The following PCDHGB6 variants were observed in gnomAD, a reference collection of about 807,000 sequenced individuals.
The protein encoded by PCDHGB6 is protocadherin gamma subfamily B, 6.
Under a neutral mutation model 59.1 loss-of-function variants are expected in PCDHGB6, and 51 were observed. That is an observed-to-expected ratio of 0.86 (90% CI 0.69 to 1.09). The LOEUF is 1.09. Ranked by LOEUF, PCDHGB6 falls within the 50% of genes least tolerant of loss-of-function variation. The pLI is 0.00. For missense variants in PCDHGB6, 1,148 were observed against 1,205.1 expected, an observed-to-expected ratio of 0.95 and a Z score of 0.70; for synonymous variants, 466 against 495.1, an observed-to-expected ratio of 0.94 and a Z score of 0.78.
rs2099641960 is a variant in PCDHGB6 at position 141,487,259 on chromosome 5, T to C, written c.2419-7548T>C. On this transcript the variant is annotated intron_variant, in intron 1 of 3. Coordinates refer to ENST00000520790, the MANE Select transcript of PCDHGB6 (RefSeq NM_018926.3). This position sits in a 1 kb window ranked among gnomAD's most constrained non-coding sequence, Gnocchi z 5.0. ...TCGTCTAACCCTCTACTTGGCTGTG[T>C]CCCTAGTGGCAATTTGCTTTGTCTC... 6.2e-7 allele frequency: 1 copy of C among 1,614,132 alleles called. No homozygotes were observed. Among genetic ancestry groups the C allele is most frequent in the Non-Finnish European group, 8.5e-7 (1 of 1,180,012 alleles).
At position 141,505,504 on chromosome 5, in the gene PCDHGB6, T is replaced by C. The variant is rs756583857; in HGVS notation, c.2566+23T>C. The C allele has an allele frequency of 9.3e-6, 15 of 1,614,020 alleles. No individual in the cohort carries two copies. The African/African-American group carries it at 1.2e-4, about 13-fold the overall frequency. ...GTGGTAAGTGGTGTCAGTGTGTGTA[T>C]GGAAGAGTGGGAGACCTGGGGTTCT... On this transcript the variant is annotated intron_variant, in intron 3 of 3. Transcript: ENST00000520790.
chr5:141,465,865 G>A (rs374058078), intron 1 of PCDHGB6, among the ~76,000 whole-genome samples: 7 of 151,900 alleles, frequency 4.6e-5, no homozygotes, highest in African/African-American at 1.7e-4. Flanking sequence ...GCTCATGCCT[G>A]TAATCCCAGC....
intron 1 of PCDHGB6, among the ~76,000 whole-genome samples, chr5:141,463,438 CTTTTT>C (rs71576115): frequency 7.7e-5 from 8 of 103,256 alleles, no homozygotes; most frequent in African/African-American, 2.7e-4. Flanking sequence ...TTTCCTTCTC[CTTTTT>C]TTTTTTTTTT....
chr5:141,487,006 G>A lies in PCDHGB6; in HGVS notation c.2419-7801G>A. ...ATGCTTGGGTTTCCTATCAGCTCCT[G>A]GAGGCCCCAGATCCCAGCCTGTTTG... On this transcript the variant is annotated intron_variant, in intron 1 of 3. Transcript: ENST00000520790. This position sits in a 1 kb window ranked among gnomAD's most constrained non-coding sequence, Gnocchi z 5.0. 1 of 1,614,206 alleles carries A rather than the reference G, an allele frequency of 6.2e-7. No homozygotes were observed. The highest frequency in any genetic ancestry group is 8.5e-7 in the Non-Finnish European group (1 of 1,180,042).
chr5:141,462,078 C>T (rs2154567608), intron 1 of PCDHGB6, among the ~76,000 whole-genome samples: 1 of 152,304 alleles, frequency 6.6e-6, no homozygotes, highest in East Asian at 1.9e-4. Flanking sequence ...CCGCCTTGGC[C>T]TCCCAAAATG....
At position 141,503,992 on chromosome 5, in the gene PCDHGB6, A is replaced by G. The variant is rs1419698681; in HGVS notation, c.2478-1401A>G. 2.6e-5 allele frequency among the ~76,000 whole-genome samples: 4 copies of G among 152,116 alleles called. No homozygotes were observed. In the East Asian group the frequency reaches 7.7e-4, roughly 29 times the overall value. ...GGTGCCAAACCCTTCTTCTTACCTTACAGTCACTTAACTGTCTCTGCTGGT... is the reference window on the plus strand; with the variant it reads ...GGTGCCAAACCCTTCTTCTTACCTTGCAGTCACTTAACTGTCTCTGCTGGT... On this transcript the variant is annotated intron_variant, in intron 2 of 3. Transcript: ENST00000520790.
At chr5:141,444,876 G>A (rs921183358) in intron 1 of PCDHGB6, among the ~76,000 whole-genome samples, 1 of 152,186 alleles carries the variant, frequency 6.6e-6, no homozygotes, top group African/African-American at 2.4e-5. Flanking sequence ...GACAAAGCTT[G>A]TAGGATTTTT....
chr5:141,491,956 A>G lies in PCDHGB6; in HGVS notation c.2419-2851A>G, dbSNP rs2099735623. 1.9e-6 allele frequency: 2 copies of G among 1,035,704 alleles called. No homozygotes were observed. Among genetic ancestry groups the G allele is most frequent in the Non-Finnish European group, 2.7e-6 (2 of 749,368 alleles). The allele number at this position is 1,035,704 out of a possible 1,614,324, so 64.2% of individuals were successfully genotyped here. A position where few individuals can be genotyped will look rare whatever the true frequency, so the allele number is the denominator to read the frequency against. On this transcript the variant is annotated intron_variant, in intron 1 of 3. Transcript: ENST00000520790. This position sits in a 1 kb window ranked among gnomAD's most constrained non-coding sequence, Gnocchi z 6.9. Reference sequence around the variant, plus strand: ...GGACCGACCCCCACCCCTACACTCAAAAAAGGCCGGGGCCTCCTTCGAGCT... The same window carrying G: ...GGACCGACCCCCACCCCTACACTCAGAAAAGGCCGGGGCCTCCTTCGAGCT...
At chr5:141,456,918 G>C (rs535602842) in intron 1 of PCDHGB6, among the ~76,000 whole-genome samples, 49 of 152,124 alleles carry the variant, frequency 3.2e-4, no homozygotes, top group African/African-American at 1.2e-3. Context: ...AGCCGAGATC[G>C]CACCACTGCA....
At position 141,503,509 on chromosome 5, in the gene PCDHGB6, G is replaced by A. The variant is rs373282648; in HGVS notation, c.2478-1884G>A. ...AGCTGCTCAAGAGGCTGAGGCAGGA[G>A]AATCACTTGAACCTGGGAGGCAGAG... On this transcript the variant is annotated intron_variant, in intron 2 of 3. Transcript: ENST00000520790. Among the ~76,000 whole-genome samples the A allele has an allele frequency of 9.4e-5, 14 of 149,410 alleles. No individual in the cohort carries two copies. The South Asian group carries it at 1.5e-3, about 16-fold the overall frequency.
At position 141,477,039 on chromosome 5, in the gene PCDHGB6, G is replaced by C. The variant is rs1313580652; in HGVS notation, c.2419-17768G>C. Reference sequence around the variant, plus strand: ...GTAACCGGGATGCTGACAATCAAGGGTCGGCTGGACTTCGAGGACACCAAA... The same window carrying C: ...GTAACCGGGATGCTGACAATCAAGGCTCGGCTGGACTTCGAGGACACCAAA... On this transcript the variant is annotated intron_variant, in intron 1 of 3. Coordinates refer to ENST00000520790, the MANE Select transcript of PCDHGB6 (RefSeq NM_018926.3). This position sits in a 1 kb window ranked among gnomAD's most constrained non-coding sequence, Gnocchi z 4.9. 1 of 1,614,144 alleles carries C rather than the reference G, an allele frequency of 6.2e-7. No individual in the cohort carries two copies. The highest frequency in any genetic ancestry group is 8.5e-7 in the Non-Finnish European group (1 of 1,180,056).
At chr5:141,460,951 G>GTATATATATA (rs200454978) in intron 1 of PCDHGB6, among the ~76,000 whole-genome samples, 1 of 139,722 alleles carries the variant, frequency 7.2e-6, no homozygotes, top group African/African-American at 2.8e-5. Context: ...TATGTATTAT[G>GTATATATATA]TATATATATA....
rs1375469711 is a variant in PCDHGB6, at chr5:141,512,102, C to A, written c.*929C>A. On this transcript the variant is annotated 3_prime_UTR_variant, in exon 4 of 4. Coordinates refer to ENST00000520790, the MANE Select transcript of PCDHGB6 (RefSeq NM_018926.3). ...GCCATAAACCAATAACTAGGCTGGA[C>A]CCTTCCCACTACATAATAGGGCTCA... The A allele has an allele frequency of 6.5e-6, 1 of 152,688 alleles. No individual in the cohort carries two copies. Among genetic ancestry groups the A allele is most frequent in the Non-Finnish European group, 1.5e-5 (1 of 68,070 alleles). The allele number at this position is 152,688 out of a possible 1,614,324, so 9.5% of individuals were successfully genotyped here. A position where few individuals can be genotyped will look rare whatever the true frequency, so the allele number is the denominator to read the frequency against.
In PCDHGB6 at chr5:141,408,197, C is replaced by A. The variant is rs2095057098; in HGVS notation, c.-6C>A. 5 of 1,546,080 alleles carry A rather than the reference C, an allele frequency of 3.2e-6. No individual in the cohort carries two copies. Among genetic ancestry groups the A allele is most frequent in the Non-Finnish European group, 4.4e-6 (5 of 1,143,654 alleles). Reference sequence around the variant, plus strand: ...AGCGGGGACCCAGCGAGAACCCGAGCGAACGATGGGAGGGAGCTGCGCGCA... The same window carrying A: ...AGCGGGGACCCAGCGAGAACCCGAGAGAACGATGGGAGGGAGCTGCGCGCA... On this transcript the variant is annotated 5_prime_UTR_variant, in exon 1 of 4. Coordinates refer to ENST00000520790, the MANE Select transcript of PCDHGB6 (RefSeq NM_018926.3).
At position 141,482,530 on chromosome 5, in the gene PCDHGB6, C is replaced by CAA. The variant is rs3074545; in HGVS notation, c.2419-12259_2419-12258dup. ...CAGAGTACAGTATGAGACAGACATG[C>CAA]AAAAAAAAAAAAAAAAAAAGATAAT... On this transcript the variant is annotated intron_variant, in intron 1 of 3. Transcript: ENST00000520790. Among the ~76,000 whole-genome samples the CAA allele has an allele frequency of 5.5e-3, 422 of 76,516 alleles. 18 individuals are homozygous for CAA. Among genetic ancestry groups the CAA allele is most frequent in the African/African-American group, 0.016 (343 of 20,862 alleles). The allele number at this position is 76,516 out of a possible 152,430, so 50.2% of individuals were successfully genotyped here.
chr5:141,455,737 A>T (rs1290390106), intron 1 of PCDHGB6, among the ~76,000 whole-genome samples: 1 of 152,162 alleles, frequency 6.6e-6, no homozygotes, highest in Non-Finnish European at 1.5e-5. Context: ...TTTGCATATC[A>T]AAGGTTGCTG....
intron 1 of PCDHGB6, chr5:141,478,198 A>G (rs1393603398): frequency 6.2e-7 from 1 of 1,613,864 alleles, no homozygotes; most frequent in East Asian, 2.2e-5. Flanking sequence ...CCTTTTATCT[A>G]CTTCTTTCTC....
At chr5:141,429,196 A>T (rs2097195436) in intron 1 of PCDHGB6, 2 of 151,994 alleles carry the variant, frequency 1.3e-5, no homozygotes, top group African/African-American at 4.8e-5. Context: ...ACACACACAC[A>T]CACACACACG....
In PCDHGB6 at chr5:141,486,752, C is replaced by G. The variant is rs776406247; in HGVS notation, c.2419-8055C>G. On this transcript the variant is annotated intron_variant, in intron 1 of 3. Transcript: ENST00000520790. The surrounding 1 kb of genome is among the most constrained non-coding windows in gnomAD (Gnocchi z 5.0). ...TGCTACTCGATCCTTTGACTATGAG[C>G]AAACCCAGACACTGCAGTTTGAGGT... 6.2e-7 allele frequency: 1 copy of G among 1,614,244 alleles called. No individual in the cohort carries two copies. The highest frequency in any genetic ancestry group is 1.3e-5 in the African/African-American group (1 of 75,080).
Sources: gnomAD v4.1 joint callset for allele counts (sites outside exome capture counted in the v4.1 genomes callset) on GRCh38, gnomAD v4.1.1 for gene constraint, Gnocchi (gnomAD v3.1) non-coding constraint, MANE v1.5 for transcripts, NCBI Gene and HGNC (gene_info 2026-07-23, HGNC 2026-07-21) for gene names.